ANK1: variants seen among roughly 807,000 people sequenced by gnomAD.
ANK1 encodes the protein ankyrin-1.
Under a neutral mutation model 210.4 loss-of-function variants are expected in ANK1, and 51 were observed. The observed-to-expected ratio is 0.24, with a 90% CI of 0.19 to 0.31. The LOEUF is 0.31. ANK1 is among the 10% of genes least tolerant of loss of function. The pLI is 1.00. For synonymous variants in ANK1, 967 were observed against 1,025.9 expected, an observed-to-expected ratio of 0.94 and a Z score of 1.10; for missense variants, 2,051 against 2,504.4, an observed-to-expected ratio of 0.82 and a Z score of 3.86.
intron 6 of ANK1, among the ~76,000 whole-genome samples, chr8:41,724,871 C>T (rs952906045): frequency 1.3e-5 from 2 of 152,044 alleles, no homozygotes; most frequent in African/African-American, 4.8e-5. Context: ...TTTTTTCCTC[C>T]CATTTAGACA....
intron 39 of ANK1, among the ~76,000 whole-genome samples, chr8:41,666,476 G>A (rs1393970759): frequency 6.6e-6 from 1 of 152,180 alleles, no homozygotes; most frequent in African/African-American, 2.4e-5. Flanking sequence ...CAAAGAAGCC[G>A]GGGAAGCATC....
chr8:41,705,523 C>T (rs1056757027), intron 18 of ANK1, among the ~76,000 whole-genome samples: 1 of 152,198 alleles, frequency 6.6e-6, no homozygotes, highest in African/African-American at 2.4e-5. Context: ...GCTCCTGGTA[C>T]TGTCACTGTC....
intron 1 of ANK1, among the ~76,000 whole-genome samples, chr8:41,791,685 A>G (rs1425278285): frequency 3.3e-5 from 5 of 151,970 alleles, no homozygotes; most frequent in African/African-American, 1.2e-4. Context: ...CCCACCTCGG[A>G]CTCCCAAAGT....
intron 38 of ANK1, among the ~76,000 whole-genome samples, chr8:41,671,138 T>C (rs1212834567): frequency 6.6e-6 from 1 of 152,210 alleles, no homozygotes; most frequent in Admixed American, 6.5e-5. Context: ...TCTCCTGACC[T>C]GCCGACGCTG....
chr8:41,701,612 T>C lies in ANK1; in HGVS notation c.2399A>G (p.Asp800Gly). 1 of 1,614,142 alleles carries C rather than the reference T, an allele frequency of 6.2e-7. No individual in the cohort carries two copies. The highest frequency in any genetic ancestry group is 1.1e-5 in the South Asian group (1 of 91,082). The part of the protein sequence containing the change: ...TDETSFVLVS[D>G]KHRMSFPETV... Reference sequence around the variant, plus strand: ...CTCAGGGAAACTCATTCGATGCTTATCACTGACTAACTAAAACGAGAAAAA... The same window carrying C: ...CTCAGGGAAACTCATTCGATGCTTACCACTGACTAACTAAAACGAGAAAAA... Residue 800 changes from aspartate to glycine, a missense_variant, in exon 22 of 43, where the codon GAT becomes GGT. This residue lies in a region of ANK1 where 1,413 missense variants were observed against 1,707.4 expected (regional missense o/e 0.83). Coordinates refer to ENST00000289734, the MANE Select transcript of ANK1 (RefSeq NM_000037.4).
At chr8:41,703,903 A>C in intron 20 of ANK1, 138 bp downstream of exon 20, 1 of 759,390 alleles carries the variant, frequency 1.3e-6, no homozygotes, top group South Asian at 1.4e-5. Context: ...AGGGTACCCA[A>C]GGTAGCTGTG....
In ANK1 at chr8:41,694,371, C is replaced by T. The variant is rs1286578667; in HGVS notation, c.3327+221G>A. 6.6e-6 allele frequency among the ~76,000 whole-genome samples: 1 copy of T among 152,230 alleles called. No individual in the cohort carries two copies. The highest frequency in any genetic ancestry group is 1.5e-5 in the Non-Finnish European group (1 of 68,038). ...TTCCTGCATGCTGCACAGACTGGGCCGTGCAGCTTGATGGGTTACCAGGGG... is the reference window on the plus strand; with the variant it reads ...TTCCTGCATGCTGCACAGACTGGGCTGTGCAGCTTGATGGGTTACCAGGGG... On this transcript the variant is annotated intron_variant, in intron 28 of 42. Transcript: ENST00000289734. The surrounding 1 kb of genome is among the most constrained non-coding windows in gnomAD (Gnocchi z 5.7).
At chr8:41,828,103 AT>A in intron 1 of ANK1, 1 of 152,208 alleles carries the variant, frequency 6.6e-6, no homozygotes, top group Non-Finnish European at 1.5e-5. Flanking sequence ...GCGCTCAGGG[AT>A]TTTGATTCCA....
At chr8:41,817,007 G>A (rs17662607) in intron 1 of ANK1, among the ~76,000 whole-genome samples, 31,673 of 152,090 alleles carry the variant, frequency 0.21, 4,195 homozygotes, top group Admixed American at 0.37. Context: ...GCTGGATCTG[G>A]CAAATGGGAC....
At position 41,724,499 on chromosome 8, in the gene ANK1, T is replaced by C; in HGVS notation, c.668A>G (p.Gln223Arg). The C allele has an allele frequency of 6.2e-7, 1 of 1,601,656 alleles. No homozygotes were observed. The highest frequency in any genetic ancestry group is 2.2e-5 in the East Asian group (1 of 44,528). The change falls in exon 7 of 43, where the codon CAG (glutamine) becomes CGG (arginine). Residue 223 changes from glutamine to arginine, a missense_variant. Physicochemically the swap from Gln to Arg is conservative, Grantham distance 43. This residue lies in a region of ANK1 where 1,413 missense variants were observed against 1,707.4 expected (regional missense o/e 0.83). Transcript: ENST00000289734. ...AAHYENLNVA[Q>R]LLLNRGASVN... ...GCTGGCTCCTCTGTTGAGGAGCAAC[T>C]GGGCCACGTTGAGGTTCTCGTAGTG...
intron 1 of ANK1, among the ~76,000 whole-genome samples, chr8:41,889,566 T>C (rs961427341): frequency 5.9e-5 from 9 of 152,226 alleles, no homozygotes; most frequent in African/African-American, 1.9e-4. Context: ...TTTAATTGGC[T>C]GGCCATTACA....
intron 1 of ANK1, among the ~76,000 whole-genome samples, chr8:41,768,304 A>T (rs888382252): frequency 1.3e-4 from 20 of 152,300 alleles, no homozygotes; most frequent in Non-Finnish European, 2.2e-4. Flanking sequence ...GGTGTTTTGT[A>T]TCATAAGCCG....
rs187702841 is a variant in ANK1 at position 41,829,290 on chromosome 8, A to C, written c.126+67065T>G. 608 of 152,320 alleles carry C rather than the reference A, an allele frequency of 4.0e-3. 4 individuals are homozygous for C. Among genetic ancestry groups the C allele is most frequent in the African/African-American group, 0.014 (595 of 41,564 alleles). The allele number at this position is 152,320 out of a possible 1,614,324, so 9.4% of individuals were successfully genotyped here. On this transcript the variant is annotated intron_variant, in intron 1 of 42. Transcript: ENST00000265709. ...GAGATTTCTTCTTGTGGCTTGATGA[A>C]CTTAGCTTTCGTCGCTGGAACAAAA... is the stretch of plus-strand genomic sequence containing the variant.
At chr8:41,823,090 GT>G (rs1316639121) in intron 1 of ANK1, among the ~76,000 whole-genome samples, 1 of 152,204 alleles carries the variant, frequency 6.6e-6, no homozygotes, top group Admixed American at 6.5e-5. Context: ...ACAAACCTCT[GT>G]CTCCTCTCAT....
At chr8:41,803,055 G>GAAAGAA (rs1554630937) in intron 1 of ANK1, among the ~76,000 whole-genome samples, 6 of 73,764 alleles carry the variant, frequency 8.1e-5, no homozygotes, top group African/African-American at 2.9e-4. Flanking sequence ...AAGAAAGAAA[G>GAAAGAA]AGAGAAAGGA....
At chr8:41,737,097 G>C (rs1429961315) in intron 2 of ANK1, among the ~76,000 whole-genome samples, 1 of 152,186 alleles carries the variant, frequency 6.6e-6, no homozygotes, top group Non-Finnish European at 1.5e-5. Flanking sequence ...GCAGGAGTTC[G>C]AGACCAGCCG....
At chr8:41,773,603 C>A (rs7460837) in intron 1 of ANK1, among the ~76,000 whole-genome samples, 150,063 of 152,242 alleles carry the variant, frequency 0.99, 73,982 homozygotes, top group East Asian at 1. Context: ...CACCGGGTCT[C>A]TTTTTCAGAA....
intron 3 of ANK1, among the ~76,000 whole-genome samples, chr8:41,728,732 A>G (rs1213633470): frequency 6.6e-6 from 1 of 152,196 alleles, no homozygotes; most frequent in African/African-American, 2.4e-5. Flanking sequence ...AAATTTTTAT[A>G]AAAGAAAAAT....
chr8:41,780,634 G>A (rs1019319997), intron 1 of ANK1, among the ~76,000 whole-genome samples: 1 of 152,224 alleles, frequency 6.6e-6, no homozygotes, highest in Non-Finnish European at 1.5e-5. Context: ...AGCGCTGGCC[G>A]CCAAGGGAAC....
Sources: allele counts gnomAD v4.1 joint callset (sites outside exome capture counted in the v4.1 genomes callset), GRCh38; gene constraint gnomAD v4.1.1; regional missense constraint gnomAD v4.1.1; non-coding constraint Gnocchi (gnomAD v3.1); transcripts MANE v1.5; gene names NCBI Gene and HGNC (gene_info 2026-07-23, HGNC 2026-07-21).